The following NAF1 variants were observed in gnomAD, a reference collection of about 807,000 sequenced individuals.
NAF1 encodes the protein nuclear assembly factor 1 ribonucleoprotein, also known as H/ACA ribonucleoprotein complex non-core subunit NAF1.
In NAF1, 11 loss-of-function variants were observed where a neutral mutation model predicts 40.6. That is an observed-to-expected ratio of 0.27 (90% CI 0.17 to 0.45). The LOEUF is 0.45. NAF1 is among the 20% of genes least tolerant of loss of function. The probability of loss-of-function intolerance (pLI) is 1.00; values close to 1 mark genes in which losing one functional copy is unlikely to be tolerated. For missense variants in NAF1, 607 were observed against 611.1 expected, an observed-to-expected ratio of 0.99 and a Z score of 0.07; for synonymous variants, 260 against 228.5, an observed-to-expected ratio of 1.14 and a Z score of -1.24.
downstream of NAF1, among the ~76,000 whole-genome samples, chr4:163,108,470 AAAT>A (rs1171570389): frequency 1.3e-5 from 2 of 152,338 alleles, no homozygotes; most frequent in South Asian, 4.1e-4. Context: ...TATGAAAAGA[AAAT>A]AATATTCAAA....
In NAF1 at chr4:163,129,203, C is replaced by T. The variant is rs567332068; in HGVS notation, c.1179G>A (p.Gln393=). 7.4e-6 allele frequency: 12 copies of T among 1,613,898 alleles called. No homozygotes were observed. In the East Asian group the frequency reaches 2.7e-4, roughly 36 times the overall value. Residue 393 remains glutamine (Q), a synonymous_variant, in exon 8 of 8, where the codon CAG becomes CAA. Coordinates refer to ENST00000274054, the MANE Select transcript of NAF1 (RefSeq NM_138386.3). ...CCATATGTTCTGAGTTATAGAAATG[C>T]TGAGGTGGAGGCCTGCCATGGCAAG... ...PRSCHGRPPP[Q]HFYNSEHMVS...
intron 1 of NAF1, among the ~76,000 whole-genome samples, chr4:163,164,632 A>G (rs1732377466): frequency 6.6e-6 from 1 of 152,218 alleles, no homozygotes; most frequent in African/African-American, 2.4e-5. Context: ...TAGTTTACCA[A>G]TAACATTTTC....
intron 2 of NAF1, among the ~76,000 whole-genome samples, chr4:163,120,705 T>C (rs1292064626): frequency 6.6e-6 from 1 of 152,164 alleles, no homozygotes. Flanking sequence ...AAGAAAATAT[T>C]TGATGTTTTT....
At chr4:163,120,115 C>T (rs1227996312) in intron 2 of NAF1, 1 of 152,196 alleles carries the variant, frequency 6.6e-6, no homozygotes, top group Non-Finnish European at 1.5e-5. Flanking sequence ...CATAATCAAA[C>T]AGACATTTGC....
chr4:163,106,728 GT>G (rs1355674444), downstream of NAF1, among the ~76,000 whole-genome samples: 2 of 151,888 alleles, frequency 1.3e-5, no homozygotes, highest in Non-Finnish European at 2.9e-5. Context: ...TTAATCTTAT[GT>G]TTTCTGAGGT....
chr4:163,111,500 A>C (rs1487006140), intron 2 of NAF1, among the ~76,000 whole-genome samples: 2 of 152,216 alleles, frequency 1.3e-5, no homozygotes, highest in African/African-American at 4.8e-5. Flanking sequence ...GAGGGAGCAG[A>C]AATGTCCAGT....
chr4:163,107,334 T>C (rs188521554), downstream of NAF1, among the ~76,000 whole-genome samples: 247 of 152,310 alleles, frequency 1.6e-3, no homozygotes, highest in African/African-American at 5.0e-3. Flanking sequence ...AAGGGGATCA[T>C]TGGGCCCAAA....
chr4:163,130,409 C>A (rs896174033), intron 7 of NAF1, among the ~76,000 whole-genome samples: 2 of 152,182 alleles, frequency 1.3e-5, no homozygotes, highest in East Asian at 1.9e-4. Flanking sequence ...GAACAAATTG[C>A]AATTTTAGAA....
At chr4:163,161,686 C>T (rs1732229494) in intron 2 of NAF1, among the ~76,000 whole-genome samples, 1 of 152,168 alleles carries the variant, frequency 6.6e-6, no homozygotes, top group Non-Finnish European at 1.5e-5. Context: ...CTCCTCCTAA[C>T]AATGAGTCCA....
downstream of NAF1, among the ~76,000 whole-genome samples, chr4:163,123,241 AGAGT>A (rs1180253814): frequency 2.0e-5 from 3 of 152,208 alleles, no homozygotes; most frequent in Admixed American, 2.0e-4. Context: ...GTGAACTAAC[AGAGT>A]GAGAACTCAC....
chr4:163,145,762 A>G lies in NAF1; in HGVS notation c.717+20T>C. 1 of 1,460,490 alleles carries G rather than the reference A, an allele frequency of 6.8e-7. No individual in the cohort carries two copies. The highest frequency in any genetic ancestry group is 9.4e-7 in the Non-Finnish European group (1 of 1,058,770). The allele number at this position is 1,460,490 out of a possible 1,614,324, so 90.5% of individuals were successfully genotyped here. On this transcript the variant is annotated intron_variant, in intron 4 of 7. Transcript: ENST00000274054. The stretch of plus-strand genomic sequence containing the variant: ...ATAAATAAATAGAATAATTTGTAAG[A>G]TTTGAAATGTTTTACAAACCTTTCC...
intron 2 of NAF1, among the ~76,000 whole-genome samples, chr4:163,161,460 G>A (rs1342215151): frequency 6.6e-6 from 1 of 150,576 alleles, no homozygotes; most frequent in Non-Finnish European, 1.5e-5. Context: ...CGACAAGAGC[G>A]AAACTCTGTC....
intron 2 of NAF1, chr4:163,157,243 C>T (rs1048477922): frequency 6.6e-6 from 1 of 151,918 alleles, no homozygotes; most frequent in African/African-American, 2.4e-5. Flanking sequence ...ATGATACATT[C>T]ATCCTTCACT....
the NAF1 span, among the ~76,000 whole-genome samples, chr4:163,104,920 T>G: frequency 6.6e-6 from 1 of 152,226 alleles, no homozygotes. Context: ...AGTGCTTTTT[T>G]GTGCATTGGG....
chr4:163,145,192 G>A (rs573551248), intron 4 of NAF1, among the ~76,000 whole-genome samples: 1 of 152,258 alleles, frequency 6.6e-6, no homozygotes, highest in South Asian at 2.1e-4. Context: ...ACATTAAGGT[G>A]GACATGCAGG....
intron 4 of NAF1, 117 bp downstream of exon 4, chr4:163,145,665 A>C: frequency 1.5e-6 from 1 of 653,708 alleles, no homozygotes; most frequent in Non-Finnish European, 2.6e-6. Context: ...GAAATTAGAG[A>C]GCTCTAGATT....
Position 163,166,382 on chromosome 4 carries a change from A to C in NAF1, c.346T>G (p.Ser116Ala). 1.2e-6 allele frequency: 2 copies of C among 1,605,360 alleles called. No individual in the cohort carries two copies. The highest frequency in any genetic ancestry group is 1.7e-6 in the Non-Finnish European group (2 of 1,175,444). ...CCCGACCTGTCCGAGTCCGAATCCG[A>C]GTCCGAGGTCTCCAAGGAGTCCGGC... Reference protein sequence around the residue: ...RAPDSLETSDSDSDSDSETDS... With the variant: ...RAPDSLETSDADSDSDSETDS... The change falls in exon 1 of 8, where the codon TCG (serine) becomes GCG (alanine). Residue 116 changes from serine to alanine, a missense_variant. Physicochemically the swap from Ser to Ala is moderately conservative, Grantham distance 99. Around this residue, in one of 3 missense-constraint regions of NAF1, gnomAD observed 407 missense variants for 365.5 expected, o/e 1.11. Coordinates refer to ENST00000274054, the MANE Select transcript of NAF1 (RefSeq NM_138386.3).
At chr4:163,106,289 T>C (rs1038811043), downstream of NAF1, among the ~76,000 whole-genome samples, 1 of 152,180 alleles carries the variant, frequency 6.6e-6, no homozygotes, top group Non-Finnish European at 1.5e-5. Context: ...ATGCCAAACA[T>C]CCTCAGAATC....
In NAF1 at chr4:163,137,257, G is replaced by T; in HGVS notation, c.879-7C>A. 2 of 1,604,444 alleles carry T rather than the reference G, an allele frequency of 1.2e-6. No homozygotes were observed. The highest frequency in any genetic ancestry group is 1.7e-6 in the Non-Finnish European group (2 of 1,174,742). On this transcript the variant is annotated splice_polypyrimidine_tract_variant and splice_region_variant and intron_variant, in intron 5 of 7. Coordinates refer to ENST00000274054, the MANE Select transcript of NAF1 (RefSeq NM_138386.3). ...TGCATCTGATCCCTTATCCCTGAGT[G>T]GGGTGGGGATGGGAGTCAAAAAAGT... is the stretch of plus-strand genomic sequence containing the variant.
Sources: allele counts gnomAD v4.1 joint callset (sites outside exome capture counted in the v4.1 genomes callset), GRCh38; gene constraint gnomAD v4.1.1; regional missense constraint gnomAD v4.1.1; transcripts MANE v1.5; gene names NCBI Gene and HGNC (gene_info 2026-07-23, HGNC 2026-07-21).